Variants in PDE1B observed in about 807,000 individuals in gnomAD.
PDE1B encodes phosphodiesterase 1B.
In PDE1B, 13 loss-of-function variants were observed where a neutral mutation model predicts 66.7. The ratio of observed to expected loss-of-function variants is 0.19; its 90% confidence interval spans 0.13 to 0.31. The LOEUF (loss-of-function observed/expected upper bound fraction) is 0.31, where lower values mean the gene tolerates loss of function less well. Among genes scored for constraint, PDE1B ranks in the 10% least tolerant of loss-of-function variants. The pLI is 1.00. For synonymous variants in PDE1B, 230 were observed against 253.9 expected, an observed-to-expected ratio of 0.91 and a Z score of 0.90; for missense variants, 485 against 682.3, an observed-to-expected ratio of 0.71 and a Z score of 3.22.
chr12:54,550,566 C>G (rs117407637), intron 2 of PDE1B, among the ~76,000 whole-genome samples: 5 of 151,988 alleles, frequency 3.3e-5, no homozygotes, highest in Admixed American at 2.0e-4. Context: ...GGCCTGGAAA[C>G]TCACTCTATG....
intron 2 of PDE1B, among the ~76,000 whole-genome samples, chr12:54,565,153 A>G (rs1957491832): frequency 6.6e-6 from 1 of 152,226 alleles, no homozygotes; most frequent in African/African-American, 2.4e-5. Flanking sequence ...TCGAGAAGGG[A>G]ACTGGAAGAA....
Position 54,573,969 on chromosome 12 carries a change from G to T in PDE1B, c.1064+260G>T, listed in dbSNP as rs1957676745. ...TCCACTGGAGAGTGCTTTGGGCTGG[G>T]AATCTAAGATGGGGGTTCTCATCGT... On this transcript the variant is annotated intron_variant, in intron 10 of 15. Transcript: ENST00000243052. This position sits in a 1 kb window ranked among gnomAD's most constrained non-coding sequence, Gnocchi z 5.2. 2 of 493,732 alleles carry T rather than the reference G, an allele frequency of 4.1e-6. No individual in the cohort carries two copies. The highest frequency in any genetic ancestry group is 7.3e-6 in the Non-Finnish European group (2 of 275,450). The allele number at this position is 493,732 out of a possible 1,614,324, so 30.6% of individuals were successfully genotyped here. A position where few individuals can be genotyped will look rare whatever the true frequency, so the allele number is the denominator to read the frequency against.
At chr12:54,563,115 C>T (rs886146954) in intron 2 of PDE1B, among the ~76,000 whole-genome samples, 1 of 152,164 alleles carries the variant, frequency 6.6e-6, no homozygotes, top group Admixed American at 6.5e-5. Flanking sequence ...TGAACTTTTA[C>T]TGAGCATGTT....
intron 14 of PDE1B, chr12:54,576,933 G>A (rs901483064): frequency 3.3e-6 from 2 of 610,828 alleles, no homozygotes; most frequent in Non-Finnish European, 2.9e-6. Context: ...CACAACCCAA[G>A]GGTCCCTGTG....
chr12:54,565,579 A>G (rs1957499424), intron 2 of PDE1B, among the ~76,000 whole-genome samples: 2 of 152,200 alleles, frequency 1.3e-5, no homozygotes, highest in African/African-American at 2.4e-5. Flanking sequence ...CTGTTTCCAC[A>G]TGGAGATGGT....
rs750901335 is a variant in PDE1B, at chr12:54,577,313, T to A, written c.1596T>A (p.Asn532Lys). The change falls in exon 15 of 16, where the codon AAT becomes AAA. Residue 532 changes from asparagine to lysine, a missense_variant. Coordinates refer to ENST00000243052, the MANE Select transcript of PDE1B (RefSeq NM_000924.4). ...CTGCCGAAGATGAACACAACCAGAA[T>A]GGGAATCTGGATTAGCCCTGGGGCT... ...PSPAEDEHNQ[N>K]GNLD 13 of 1,612,762 alleles carry A rather than the reference T, an allele frequency of 8.1e-6. No individual in the cohort carries two copies. Among genetic ancestry groups the A allele is most frequent in the Non-Finnish European group, 1.1e-5 (13 of 1,179,568 alleles).
In PDE1B at chr12:54,572,654, G is replaced by A. The variant is rs1285444105; in HGVS notation, c.648G>A (p.Gly216=). The A allele has an allele frequency of 1.9e-6, 3 of 1,613,576 alleles. No individual in the cohort carries two copies. Among genetic ancestry groups the A allele is most frequent in the East Asian group, 2.2e-5 (1 of 44,892 alleles). The stretch of plus-strand genomic sequence containing the variant: ...TGGATGCCTTGGAGACAGGCTATGG[G>A]AAGTACAAGAATCCTTACCACAACC... ...SFLDALETGY[G]KYKNPYHNQI... The change falls in exon 7 of 16, where the codon GGG becomes GGA. Residue 216 remains glycine, a synonymous_variant. Transcript: ENST00000243052.
At chr12:54,577,456 G>A (rs1332945228) in intron 15 of PDE1B, 111 bp downstream of exon 15, 1 of 1,604,430 alleles carries the variant, frequency 6.2e-7, no homozygotes, top group African/African-American at 1.3e-5. Flanking sequence ...CTTTTGAGCA[G>A]TAAAATGGAG....
At chr12:54,562,663 G>C (rs1957438984) in intron 2 of PDE1B, among the ~76,000 whole-genome samples, 1 of 152,164 alleles carries the variant, frequency 6.6e-6, no homozygotes, top group Non-Finnish European at 1.5e-5. Flanking sequence ...AACTCTAAAG[G>C]ACTTTAGAAT....
intron 2 of PDE1B, among the ~76,000 whole-genome samples, chr12:54,563,514 G>A (rs1957457985): frequency 6.6e-6 from 1 of 152,096 alleles, no homozygotes; most frequent in African/African-American, 2.4e-5. Context: ...CCTCTGTTAG[G>A]GAGCTTCCTA....
chr12:54,566,888 T>C (rs1957524745), intron 2 of PDE1B, 86 bp from the exon 3 acceptor site: 1 of 575,412 alleles, frequency 1.7e-6, no homozygotes, highest in Non-Finnish European at 3.1e-6. Flanking sequence ...AGGATGTTTC[T>C]GTAAAATGTA....
In PDE1B at chr12:54,569,514, T is replaced by C; in HGVS notation, c.411-32T>C. 6.2e-7 allele frequency: 1 copy of C among 1,602,152 alleles called. No homozygotes were observed. On this transcript the variant is annotated intron_variant, in intron 4 of 15. Coordinates refer to ENST00000243052, the MANE Select transcript of PDE1B (RefSeq NM_000924.4). The surrounding 1 kb of genome is among the most constrained non-coding windows in gnomAD (Gnocchi z 4.4). ...CCACACCTCCACTCCCAGACCTTCATATGTGGGCTTCTTCTCATTGTTCTC... is the reference window on the plus strand; with the variant it reads ...CCACACCTCCACTCCCAGACCTTCACATGTGGGCTTCTTCTCATTGTTCTC...
rs1235420909 is a variant in PDE1B at position 54,549,790 on chromosome 12, T to TG, written c.-14+24dup. On this transcript the variant is annotated intron_variant, in intron 1 of 15. Coordinates refer to ENST00000243052, the MANE Select transcript of PDE1B (RefSeq NM_000924.4). ...AGCCGCAGGTGGGAAGGGCCTGGGA[T>TG]GGGGGGTGAGGGTCTCTCGGCTGGG... is the stretch of plus-strand genomic sequence containing the variant. The TG allele has an allele frequency of 2.2e-5, 24 of 1,077,348 alleles. No homozygotes were observed. In the East Asian group the frequency reaches 5.5e-4, roughly 25 times the overall value. The allele number at this position is 1,077,348 out of a possible 1,614,324, so 66.7% of individuals were successfully genotyped here.
chr12:54,569,474 C>A lies in PDE1B; in HGVS notation c.411-72C>A. 6.3e-7 allele frequency: 1 copy of A among 1,586,392 alleles called. No individual in the cohort carries two copies. Among genetic ancestry groups the A allele is most frequent in the Non-Finnish European group, 8.7e-7 (1 of 1,155,996 alleles). ...GCCATATGATCCCATGGCTCATCCC[C>A]ACATCCCCAGCTGGCCACACCTCCA... On this transcript the variant is annotated intron_variant, in intron 4 of 15. Coordinates refer to ENST00000243052, the MANE Select transcript of PDE1B (RefSeq NM_000924.4). The surrounding 1 kb of genome is among the most constrained non-coding windows in gnomAD (Gnocchi z 4.4).
At chr12:54,562,973 G>A (rs1957445373) in intron 2 of PDE1B, among the ~76,000 whole-genome samples, 2 of 152,208 alleles carry the variant, frequency 1.3e-5, no homozygotes, top group South Asian at 4.1e-4. Context: ...TGTGCTTGAA[G>A]TCAACCTACA....
chr12:54,558,191 C>T (rs776320392), intron 2 of PDE1B, among the ~76,000 whole-genome samples: 4 of 152,118 alleles, frequency 2.6e-5, no homozygotes, highest in African/African-American at 7.2e-5. Context: ...CCCAGCTTCT[C>T]GAATGCAGCA....
At chr12:54,557,979 T>C (rs746684029) in intron 2 of PDE1B, among the ~76,000 whole-genome samples, 11 of 152,056 alleles carry the variant, frequency 7.2e-5, no homozygotes, top group Non-Finnish European at 1.3e-4. Context: ...GGTGACTCAT[T>C]TGTGTTCTTG....
chr12:54,569,009 T>G lies in PDE1B; in HGVS notation c.228-175T>G. 9.1e-7 allele frequency: 1 copy of G among 1,093,850 alleles called. No individual in the cohort carries two copies. Among genetic ancestry groups the G allele is most frequent in the Middle Eastern group, 2.1e-4 (1 of 4,792 alleles). 67.8% of individuals were successfully genotyped at this position (1,093,850 alleles called of 1,614,324 possible). A position where few individuals can be genotyped will look rare whatever the true frequency, so the allele number is the denominator to read the frequency against. ...CTACCTCACATGGAGACCTGTTTCATTATTGGAGATGTTAGATAAAGAAAT... is the reference window on the plus strand; with the variant it reads ...CTACCTCACATGGAGACCTGTTTCAGTATTGGAGATGTTAGATAAAGAAAT... On this transcript the variant is annotated intron_variant, in intron 3 of 15. Coordinates refer to ENST00000243052, the MANE Select transcript of PDE1B (RefSeq NM_000924.4). The surrounding 1 kb of genome is among the most constrained non-coding windows in gnomAD (Gnocchi z 4.4).
In PDE1B at chr12:54,573,191, C is replaced by T; in HGVS notation, c.779C>T (p.Ala260Val). Residue 260 changes from alanine (A) to valine (V), a missense_variant, in exon 8 of 16, where the codon GCA (alanine) becomes GTA (valine). By Grantham distance (64) the Ala-to-Val change is moderately conservative (BLOSUM62 0). This residue lies in a region of PDE1B where 282 missense variants were observed against 453.4 expected (regional missense o/e 0.62). Coordinates refer to ENST00000243052, the MANE Select transcript of PDE1B (RefSeq NM_000924.4). The surrounding 1 kb of genome is among the most constrained non-coding windows in gnomAD (Gnocchi z 5.2). ...GAGCTCCTGGCCATCATCTTTGCTGCAGCTATCCATGATTATGAGCACACG... is the reference window on the plus strand; with the variant it reads ...GAGCTCCTGGCCATCATCTTTGCTGTAGCTATCCATGATTATGAGCACACG... ...EIELLAIIFA[A>V]AIHDYEHTGT... 1 of 1,614,056 alleles carries T rather than the reference C, an allele frequency of 6.2e-7. No homozygotes were observed. The highest frequency in any genetic ancestry group is 8.5e-7 in the Non-Finnish European group (1 of 1,179,978).
Sources: gnomAD v4.1 joint callset for allele counts (sites outside exome capture counted in the v4.1 genomes callset) on GRCh38, gnomAD v4.1.1 for gene constraint, gnomAD v4.1.1 regional missense constraint, Gnocchi (gnomAD v3.1) non-coding constraint, MANE v1.5 for transcripts, NCBI Gene and HGNC (gene_info 2026-07-23, HGNC 2026-07-21) for gene names.